Variants in CRYL1 observed in about 807,000 individuals in gnomAD.
CRYL1 encodes the protein crystallin lambda 1, also known as lambda-crystallin homolog.
A neutral mutation model predicts 36.6 loss-of-function variants in CRYL1; 29 were observed. The ratio of observed to expected loss-of-function variants is 0.79; its 90% CI spans 0.59 to 1.08. The LOEUF (loss-of-function observed/expected upper bound fraction) is 1.08, where lower values mean the gene tolerates loss of function less well. CRYL1 is among the 50% of genes least tolerant of loss of function. The pLI, the probability that CRYL1 is intolerant of heterozygous loss-of-function variation, is 0.00. For missense variants in CRYL1, 411 were observed against 407.9 expected, an observed-to-expected ratio of 1.01 and a Z score of -0.06; for synonymous variants, 152 against 151.5, an observed-to-expected ratio of 1.00 and a Z score of -0.02.
At chr13:20,475,547 G>A (rs1360417248) in intron 3 of CRYL1, among the ~76,000 whole-genome samples, 3 of 152,146 alleles carry the variant, frequency 2.0e-5, no homozygotes, top group Non-Finnish European at 2.9e-5. Context: ...CCCACTTTAC[G>A]GGGGTGTCGT....
chr13:20,473,480 G>A (rs2033101610), intron 3 of CRYL1, among the ~76,000 whole-genome samples: 1 of 152,254 alleles, frequency 6.6e-6, no homozygotes, highest in Admixed American at 6.5e-5. Context: ...AGCTAGAAGA[G>A]CCAGAGGCAG....
chr13:20,433,286 C>T (rs767688899), intron 4 of CRYL1, among the ~76,000 whole-genome samples: 8 of 152,190 alleles, frequency 5.3e-5, no homozygotes, highest in Non-Finnish European at 8.8e-5. Flanking sequence ...TTAGAGATTC[C>T]TCACAGAGAG....
At chr13:20,512,339 A>T in intron 2 of CRYL1, 104 bp downstream of exon 2, 1 of 803,144 alleles carries the variant, frequency 1.2e-6, no homozygotes, top group Admixed American at 2.3e-5. Context: ...TCAGACGAAA[A>T]TGTGACATCA....
intron 2 of CRYL1, among the ~76,000 whole-genome samples, chr13:20,509,250 T>TTTTTGTTTTGTTTTGTTTTG (rs10694169): frequency 6.8e-6 from 1 of 146,868 alleles, no homozygotes; most frequent in Non-Finnish European, 1.5e-5. Flanking sequence ...GCCTCATAGT[T>TTTTTGTTTTGTTTTGTTTTG]TTTTGTTTTG....
chr13:20,524,592 G>C (rs2034155173), intron 1 of CRYL1, among the ~76,000 whole-genome samples: 1 of 152,050 alleles, frequency 6.6e-6, no homozygotes, highest in Non-Finnish European at 1.5e-5. Flanking sequence ...GGTCAGGCTG[G>C]TCTCGAACTC....
At chr13:20,437,118 C>T (rs1004870865) in intron 4 of CRYL1, among the ~76,000 whole-genome samples, 1 of 151,790 alleles carries the variant, frequency 6.6e-6, no homozygotes, top group African/African-American at 2.4e-5. Context: ...GCTTTGATGG[C>T]ACCACTGCTC....
rs1593492722 is a variant in CRYL1 at position 20,503,981 on chromosome 13, G to A, written c.149+8462C>T. Among the ~76,000 whole-genome samples the A allele has an allele frequency of 2.0e-5, 3 of 152,316 alleles. No homozygotes were observed. The East Asian group carries it at 5.8e-4, about 29-fold the overall frequency. On this transcript the variant is annotated intron_variant, in intron 2 of 7. Coordinates refer to ENST00000298248, the MANE Select transcript of CRYL1 (RefSeq NM_015974.3). ...TCAGAAAGATGATTCACTTTTAGGT[G>A]GAGCTGGGTGCCAGGGTGACCATGT...
intron 2 of CRYL1, among the ~76,000 whole-genome samples, chr13:20,505,113 T>G (rs1451448315): frequency 6.6e-6 from 1 of 152,152 alleles, no homozygotes; most frequent in African/African-American, 2.4e-5. Flanking sequence ...CCGAGCACTT[T>G]GGGAGACCAA....
At chr13:20,479,990 A>G (rs553047919) in intron 3 of CRYL1, among the ~76,000 whole-genome samples, 29 of 152,114 alleles carry the variant, frequency 1.9e-4, no homozygotes, top group African/African-American at 6.7e-4. Flanking sequence ...ACACCAGGTG[A>G]CCTCCCCATC....
chr13:20,521,032 G>C (rs1166754400), intron 1 of CRYL1, among the ~76,000 whole-genome samples: 1 of 148,646 alleles, frequency 6.7e-6, no homozygotes, highest in African/African-American at 2.5e-5. Flanking sequence ...TGAACCCGGA[G>C]GCGGAGGTTG....
chr13:20,443,062 T>C (rs2032380757), intron 3 of CRYL1, among the ~76,000 whole-genome samples: 1 of 152,202 alleles, frequency 6.6e-6, no homozygotes, highest in Non-Finnish European at 1.5e-5. Flanking sequence ...GACATGATGC[T>C]ATTCCAGGCA....
rs369395294 is a variant in CRYL1 at position 20,404,727 on chromosome 13, A to C, written c.754T>G (p.Cys252Gly). ...HLNAEGMLSYCDRYSEGIKHV... is the reference protein window; with the variant it reads ...HLNAEGMLSYGDRYSEGIKHV... ...TTTATGCCTTCGCTGTATCTGTCGC[A>C]GTAGCTTAACATACCTGGAATTGTA... Residue 252 changes from cysteine to glycine, a missense_variant, in exon 7 of 8, where the codon TGC (cysteine) becomes GGC (glycine). Coordinates refer to ENST00000298248, the MANE Select transcript of CRYL1 (RefSeq NM_015974.3). The C allele has an allele frequency of 6.2e-7, 1 of 1,611,638 alleles. No individual in the cohort carries two copies. The highest frequency in any genetic ancestry group is 8.5e-7 in the Non-Finnish European group (1 of 1,177,856).
chr13:20,508,879 A>ACT (rs2033859209), intron 2 of CRYL1, among the ~76,000 whole-genome samples: 1 of 131,938 alleles, frequency 7.6e-6, no homozygotes. Flanking sequence ...AAAAAAACAA[A>ACT]AAAAAAAAAC....
At chr13:20,477,971 TTA>T (rs10683682) in intron 3 of CRYL1, among the ~76,000 whole-genome samples, 2,279 of 113,952 alleles carry the variant, frequency 0.02, 52 homozygotes, top group African/African-American at 0.055. Context: ...TATTACGTAG[TTA>T]TATATATATA....
intron 5 of CRYL1, chr13:20,431,551 C>T: frequency 2.0e-6 from 2 of 1,009,320 alleles, no homozygotes; most frequent in Non-Finnish European, 2.4e-6. Flanking sequence ...GCAGCCAGGC[C>T]ATTTCTTCAC....
Position 20,404,168 on chromosome 13 carries a change from C to T in CRYL1, c.921G>A (p.Met307Ile), listed in dbSNP as rs993609248. ...CTTGACTCTTCAACTTGGCGAGTCT[C>T]ATGAGGCACTCGTCCCTCCACTGCC... The part of the protein sequence containing the change: ...ARRQWRDECL[M>I]RLAKLKSQVQ... Residue 307 changes from methionine to isoleucine, a missense_variant, in exon 8 of 8, where the codon ATG becomes ATA. Physicochemically the swap from Met to Ile is conservative, Grantham distance 10. Coordinates refer to ENST00000298248, the MANE Select transcript of CRYL1 (RefSeq NM_015974.3). The T allele has an allele frequency of 1.2e-6, 2 of 1,614,036 alleles. No individual in the cohort carries two copies. Among genetic ancestry groups the T allele is most frequent in the Admixed American group, 3.3e-5 (2 of 60,020 alleles).
At chr13:20,453,468 A>ATATTCTAATATATTTGAATATTTTGAAG (rs59029327) in intron 3 of CRYL1, among the ~76,000 whole-genome samples, 1 of 151,602 alleles carries the variant, frequency 6.6e-6, no homozygotes, top group African/African-American at 2.4e-5. Flanking sequence ...ATATTTTGAA[A>ATATTCTAATATATTTGAATATTTTGAAG]ATGAAAACAC....
intron 5 of CRYL1, among the ~76,000 whole-genome samples, chr13:20,429,993 C>A (rs1455306372): frequency 1.3e-5 from 2 of 152,100 alleles, no homozygotes; most frequent in East Asian, 3.9e-4. Context: ...CGACAAGCCC[C>A]CTCCTCCTCC....
chr13:20,518,906 G>A (rs1593505479), intron 1 of CRYL1, among the ~76,000 whole-genome samples: 1 of 152,324 alleles, frequency 6.6e-6, no homozygotes, highest in East Asian at 1.9e-4. Flanking sequence ...GACAAGAAAG[G>A]ATGGAGATGT....
Sources: allele counts gnomAD v4.1 joint callset (sites outside exome capture counted in the v4.1 genomes callset), GRCh38; gene constraint gnomAD v4.1.1; transcripts MANE v1.5; gene names NCBI Gene and HGNC (gene_info 2026-07-23, HGNC 2026-07-21).